The following SEMA6D variants were observed in gnomAD, a reference collection of about 807,000 sequenced individuals.
SEMA6D encodes semaphorin 6D.
In SEMA6D, 35 loss-of-function variants were observed where a neutral mutation model predicts 106.6. The ratio of observed to expected loss-of-function variants is 0.33; its 90% CI spans 0.25 to 0.44. The LOEUF is 0.44. Ranked by LOEUF, SEMA6D falls within the 20% of genes least tolerant of loss-of-function variation. SEMA6D has a pLI of 1.00. For synonymous variants in SEMA6D, 499 were observed against 487.7 expected (o/e 1.02, Z -0.31); for missense variants, 1,185 against 1,345.9 (o/e 0.88, Z 1.87).
intron 1 of SEMA6D, among the ~76,000 whole-genome samples, chr15:47,213,104 A>G (rs1595749326): frequency 6.6e-6 from 1 of 152,192 alleles, no homozygotes; most frequent in East Asian, 1.9e-4. Flanking sequence ...TTAGCCATGT[A>G]TGGCTATTTA....
intron 3 of SEMA6D, among the ~76,000 whole-genome samples, chr15:47,574,672 A>G (rs2076125363): frequency 6.6e-6 from 1 of 152,154 alleles, no homozygotes; most frequent in African/African-American, 2.4e-5. Flanking sequence ...AATATTACCA[A>G]TTTAACCTCT....
At chr15:47,212,415 T>C (rs2030121511) in intron 1 of SEMA6D, among the ~76,000 whole-genome samples, 1 of 152,180 alleles carries the variant, frequency 6.6e-6, no homozygotes, top group Non-Finnish European at 1.5e-5. Context: ...TGCTATTTTA[T>C]CTCTGACGGT....
At chr15:47,694,593 A>G (rs578024202) in intron 4 of SEMA6D, among the ~76,000 whole-genome samples, 18 of 152,084 alleles carry the variant, frequency 1.2e-4, no homozygotes, top group African/African-American at 3.9e-4. Flanking sequence ...GTGGCCATCA[A>G]TCTGCATGCT....
intron 3 of SEMA6D, among the ~76,000 whole-genome samples, chr15:47,502,501 C>T (rs79928830): frequency 0.011 from 1,722 of 152,216 alleles, 32 homozygotes; most frequent in African/African-American, 0.04. Flanking sequence ...AAAGATGTTA[C>T]GCTCCCACCT....
At chr15:47,763,522 A>T (rs186918962) in intron 9 of SEMA6D, among the ~76,000 whole-genome samples, 80 of 152,288 alleles carry the variant, frequency 5.3e-4, no homozygotes, top group Middle Eastern at 3.4e-3. Context: ...AACCCCTTCT[A>T]TGCCAAGTTG....
At chr15:47,636,605 C>G (rs1402134734) in intron 4 of SEMA6D, among the ~76,000 whole-genome samples, 2 of 152,174 alleles carry the variant, frequency 1.3e-5, no homozygotes, top group Non-Finnish European at 2.9e-5. Context: ...CTAGCCAATC[C>G]TCTTCTATCA....
Position 47,469,681 on chromosome 15 carries a change from A to C in SEMA6D, c.-158-793A>C, listed in dbSNP as rs2042772487. On this transcript the variant is annotated intron_variant, in intron 2 of 19. Coordinates refer to the SEMA6D transcript ENST00000558014. ...TTTGCTGGATATTGGAGATAAAATT[A>C]ACAAAGACATCCTTGACTCTGTCTT... is the stretch of plus-strand genomic sequence containing the variant. 1.3e-5 allele frequency among the ~76,000 whole-genome samples: 2 copies of C among 152,134 alleles called. 1 individual carries two copies. The highest frequency in any genetic ancestry group is 4.1e-4 in the South Asian group (2 of 4,830).
chr15:47,347,744 A>G (rs1222057864), intron 1 of SEMA6D, among the ~76,000 whole-genome samples: 5 of 152,180 alleles, frequency 3.3e-5, no homozygotes, highest in African/African-American at 1.2e-4. Context: ...CAAATCTGTC[A>G]TTGGAAAACA....
chr15:47,352,115 T>C (rs1405257849), intron 1 of SEMA6D, among the ~76,000 whole-genome samples: 1 of 152,214 alleles, frequency 6.6e-6, no homozygotes. Context: ...AAAGAAATTG[T>C]GTTTGAATAA....
At chr15:47,608,856 C>A (rs923771672) in intron 4 of SEMA6D, among the ~76,000 whole-genome samples, 1 of 152,010 alleles carries the variant, frequency 6.6e-6, no homozygotes, top group African/African-American at 2.4e-5. Flanking sequence ...TCATTGTAAT[C>A]TCCAGTAATT....
chr15:47,440,329 T>C (rs2041844866), intron 2 of SEMA6D, among the ~76,000 whole-genome samples: 1 of 145,222 alleles, frequency 6.9e-6, no homozygotes, highest in African/African-American at 2.6e-5. Flanking sequence ...ACAGTGGGCA[T>C]TGCAGCAAAT....
At chr15:47,269,728 CTTCA>C (rs1393011149) in intron 1 of SEMA6D, among the ~76,000 whole-genome samples, 1 of 151,978 alleles carries the variant, frequency 6.6e-6, no homozygotes, top group Admixed American at 6.6e-5. Context: ...ACACGAGATA[CTTCA>C]TTCATTCCAT....
chr15:47,561,358 T>C (rs1276473078), intron 3 of SEMA6D, among the ~76,000 whole-genome samples: 1 of 152,072 alleles, frequency 6.6e-6, no homozygotes, highest in Non-Finnish European at 1.5e-5. Flanking sequence ...AAAAATCTTG[T>C]CAACCAAATC....
At chr15:47,431,607 C>G (rs1171363265) in intron 2 of SEMA6D, among the ~76,000 whole-genome samples, 3 of 152,086 alleles carry the variant, frequency 2.0e-5, no homozygotes, top group Non-Finnish European at 4.4e-5. Context: ...AGAACTGCCA[C>G]TATGGACAGC....
In SEMA6D at chr15:47,393,799, C is replaced by T. The variant is rs2040118623; in HGVS notation, c.-238-18594C>T. On this transcript the variant is annotated intron_variant, in intron 1 of 19. Coordinates refer to the SEMA6D transcript ENST00000558014. ...AGAAGTTGTCCACTTCCATGCATAA[C>T]ACTGCATTATTAACAATGTTGTCAT... Among the ~76,000 whole-genome samples the T allele has an allele frequency of 3.9e-5, 6 of 152,208 alleles. 1 individual carries two copies. The highest frequency in any genetic ancestry group is 3.9e-4 in the Admixed American group (6 of 15,286).
chr15:47,394,080 G>C (rs1193831553), intron 1 of SEMA6D, among the ~76,000 whole-genome samples: 2 of 152,110 alleles, frequency 1.3e-5, no homozygotes, highest in African/African-American at 2.4e-5. Context: ...TCATCCTCCT[G>C]GTTGCTAAAG....
At chr15:47,327,005 A>T (rs1232044779) in intron 1 of SEMA6D, among the ~76,000 whole-genome samples, 4 of 152,180 alleles carry the variant, frequency 2.6e-5, no homozygotes, top group Non-Finnish European at 5.9e-5. Flanking sequence ...TGGACAGTAG[A>T]AGTCAGCCCA....
intron 4 of SEMA6D, among the ~76,000 whole-genome samples, chr15:47,609,177 A>G (rs572678976): frequency 6.6e-6 from 1 of 152,340 alleles, no homozygotes; most frequent in Non-Finnish European, 1.5e-5. Flanking sequence ...AGAATGGAGT[A>G]ACCATAGGGT....
At chr15:47,634,199 A>T (rs1375953094) in intron 4 of SEMA6D, among the ~76,000 whole-genome samples, 1 of 152,094 alleles carries the variant, frequency 6.6e-6, no homozygotes, top group Admixed American at 6.6e-5. Context: ...ACCACCAATA[A>T]AACACCAATA....
Sources: allele counts gnomAD v4.1 joint callset (sites outside exome capture counted in the v4.1 genomes callset), GRCh38; gene constraint gnomAD v4.1.1; transcripts MANE v1.5; gene names NCBI Gene and HGNC (gene_info 2026-07-23, HGNC 2026-07-21).